Variants in RABGAP1 observed in about 807,000 individuals in gnomAD.
RABGAP1 encodes the protein RAB GTPase activating protein 1.
In RABGAP1, 23 loss-of-function variants were observed where a neutral mutation model predicts 137.6. The observed-to-expected ratio is 0.17, with a 90% CI of 0.12 to 0.24. RABGAP1 has a LOEUF of 0.24. Ranked by LOEUF, RABGAP1 falls within the 10% of genes least tolerant of loss-of-function variation. The pLI, the probability that RABGAP1 is intolerant of heterozygous loss-of-function variation, is 1.00. For missense variants in RABGAP1, 906 were observed against 1,275.8 expected, an observed-to-expected ratio of 0.71 and a Z score of 4.42; for synonymous variants, 451 against 450.7, an observed-to-expected ratio of 1.00 and a Z score of -0.01.
At chr9:122,949,514 C>A (rs1440928461) in intron 1 of RABGAP1, among the ~76,000 whole-genome samples, 1 of 151,362 alleles carries the variant, frequency 6.6e-6, no homozygotes, top group Non-Finnish European at 1.5e-5. Context: ...AACTCCATCT[C>A]AAAAACAACA....
At chr9:123,077,587 T>A (rs2034554627) in intron 19 of RABGAP1, among the ~76,000 whole-genome samples, 1 of 152,192 alleles carries the variant, frequency 6.6e-6, no homozygotes. Context: ...GTATAGGATC[T>A]TCTTGTGTTC....
intron 2 of RABGAP1, among the ~76,000 whole-genome samples, chr9:122,978,681 A>ATT (rs1835890897): frequency 6.6e-6 from 1 of 152,092 alleles, no homozygotes; most frequent in Admixed American, 6.5e-5. Context: ...ATATGTTTTT[A>ATT]TTTTTCTTGG....
At chr9:123,021,465 A>G (rs2031635248) in intron 13 of RABGAP1, among the ~76,000 whole-genome samples, 3 of 151,924 alleles carry the variant, frequency 2.0e-5, no homozygotes. Flanking sequence ...CTGGGATTAC[A>G]GGTGCGCACC....
At chr9:123,058,332 A>T (rs1176339724) in intron 13 of RABGAP1, among the ~76,000 whole-genome samples, 1 of 152,006 alleles carries the variant, frequency 6.6e-6, no homozygotes, top group Non-Finnish European at 1.5e-5. Flanking sequence ...TTAGCAAAAA[A>T]AAATTTTTCT....
chr9:123,005,415 A>G (rs1033669307), intron 10 of RABGAP1, among the ~76,000 whole-genome samples: 9 of 152,022 alleles, frequency 5.9e-5, no homozygotes, highest in Non-Finnish European at 1.3e-4. Context: ...GATAACAATT[A>G]TTATTGGTTT....
Position 123,101,648 on chromosome 9 carries a change from T to A in RABGAP1, c.2972T>A (p.Val991Asp). The A allele has an allele frequency of 6.2e-7, 1 of 1,612,650 alleles. No individual in the cohort carries two copies. The highest frequency in any genetic ancestry group is 1.3e-5 in the African/African-American group (1 of 74,542). ...RVKGISSTKE[V>D]LDEDTDEEKE... The stretch of plus-strand genomic sequence containing the variant: ...AAAGGCATAAGCTCAACCAAGGAGG[T>A]TTTAGATGAGGACACGGATGAAGAG... Residue 991 changes from valine to aspartate, a missense_variant, in exon 25 of 26, where the codon GTT becomes GAT. Coordinates refer to ENST00000373647, the MANE Select transcript of RABGAP1 (RefSeq NM_012197.4).
chr9:123,022,469 C>T lies in RABGAP1; in HGVS notation c.1794+2010C>T, dbSNP rs568888440. The stretch of plus-strand genomic sequence containing the variant: ...CTGGCTAGAGTGCAGTGCAGTGGTA[C>T]GATCTCGGCTCACTGCAACCTCTGC... On this transcript the variant is annotated intron_variant, in intron 13 of 25. Coordinates refer to ENST00000373647, the MANE Select transcript of RABGAP1 (RefSeq NM_012197.4). Among the ~76,000 whole-genome samples, 54 of 151,944 alleles carry T rather than the reference C, an allele frequency of 3.6e-4. 1 individual carries two copies. The highest frequency in any genetic ancestry group is 5.9e-4 in the Admixed American group (9 of 15,254).
At chr9:122,959,351 G>A (rs918973990) in intron 2 of RABGAP1, among the ~76,000 whole-genome samples, 1 of 112,896 alleles carries the variant, frequency 8.9e-6, no homozygotes, top group South Asian at 3.2e-4. Flanking sequence ...TTAATAGAAA[G>A]TGTGGGGCTT....
At chr9:122,996,737 A>G in intron 8 of RABGAP1, 132 bp downstream of exon 8, 2 of 757,224 alleles carry the variant, frequency 2.6e-6, no homozygotes, top group South Asian at 4.1e-5. Context: ...ACAACATGCA[A>G]AGGTAAGATA....
At chr9:123,011,019 T>C (rs1170201624) in intron 11 of RABGAP1, among the ~76,000 whole-genome samples, 2 of 151,850 alleles carry the variant, frequency 1.3e-5, no homozygotes, top group Admixed American at 6.6e-5. Context: ...TTTTTTTTTT[T>C]CTGGCTAAAT....
At chr9:122,941,268 G>A (rs535968182) in intron 1 of RABGAP1, among the ~76,000 whole-genome samples, 175 bp downstream of exon 1, 1 of 152,228 alleles carries the variant, frequency 6.6e-6, no homozygotes, top group Non-Finnish European at 1.5e-5. Context: ...CGTGATTGGG[G>A]GGAGGGGGAA....
At chr9:123,021,705 C>T (rs757553025) in intron 13 of RABGAP1, among the ~76,000 whole-genome samples, 1 of 152,172 alleles carries the variant, frequency 6.6e-6, no homozygotes, top group Non-Finnish European at 1.5e-5. Context: ...TCTTTCCCAT[C>T]ATCCTATATC....
At position 123,010,463 on chromosome 9, in the gene RABGAP1, G is replaced by T; in HGVS notation, c.1484G>T (p.Arg495Leu). Residue 495 changes from arginine (R) to leucine (L), a missense_variant, in exon 11 of 26, where the codon CGC (arginine) becomes CTC (leucine). By Grantham distance (102) the Arg-to-Leu change is moderately radical (BLOSUM62 -2). Around this residue, in one of 9 missense-constraint regions of RABGAP1, gnomAD observed 212 missense variants for 289.4 expected, o/e 0.73. Coordinates refer to ENST00000373647, the MANE Select transcript of RABGAP1 (RefSeq NM_012197.4). ...AAAACTACAGCCAGTCCTTCAGTTC[G>T]CCTGCCACAGTCTGGATCGCAAAGT... is the stretch of plus-strand genomic sequence containing the variant. The part of the protein sequence containing the change: ...RRKTTASPSV[R>L]LPQSGSQSSV... The T allele has an allele frequency of 6.6e-7, 1 of 1,523,042 alleles. No individual in the cohort carries two copies. The highest frequency in any genetic ancestry group is 2.4e-5 in the East Asian group (1 of 41,570). The allele number at this position is 1,523,042 out of a possible 1,614,324, so 94.3% of individuals were successfully genotyped here. A position where few individuals can be genotyped will look rare whatever the true frequency, so the allele number is the denominator to read the frequency against.
At chr9:122,985,336 C>T (rs191822445) in intron 3 of RABGAP1, among the ~76,000 whole-genome samples, 21 of 152,208 alleles carry the variant, frequency 1.4e-4, no homozygotes, top group Non-Finnish European at 2.4e-4. Context: ...ACAGTTAGGC[C>T]GGGCGCAGTG....
At chr9:122,957,714 T>A (rs1033126874) in intron 2 of RABGAP1, among the ~76,000 whole-genome samples, 6 of 152,282 alleles carry the variant, frequency 3.9e-5, no homozygotes, top group African/African-American at 1.4e-4. Context: ...TCTGTTAAAG[T>A]TGTCATTTAA....
intron 10 of RABGAP1, among the ~76,000 whole-genome samples, chr9:122,999,767 CT>C (rs1457991996): frequency 3.6e-4 from 54 of 150,790 alleles, no homozygotes; most frequent in Admixed American, 1.8e-3. Context: ...ATTTCTTAAA[CT>C]TTTTTTCCTG....
chr9:123,037,198 T>C (rs1028628226), intron 13 of RABGAP1, among the ~76,000 whole-genome samples: 1 of 152,234 alleles, frequency 6.6e-6, no homozygotes, highest in Non-Finnish European at 1.5e-5. Flanking sequence ...TGGATATTTA[T>C]AAAGCAGGCA....
chr9:122,940,765 T>G (rs974577860), upstream of RABGAP1: 3 of 152,970 alleles, frequency 2.0e-5, no homozygotes, highest in African/African-American at 7.2e-5. Context: ...CGTAGTTGGC[T>G]GTCCAACTCC....
intron 14 of RABGAP1, among the ~76,000 whole-genome samples, chr9:123,068,311 C>T (rs1175087565): frequency 2.7e-5 from 4 of 147,044 alleles, no homozygotes; most frequent in Non-Finnish European, 5.9e-5. Flanking sequence ...GATTGTGCCA[C>T]TGCATTCCAC....
Sources: gnomAD v4.1 joint callset for allele counts (sites outside exome capture counted in the v4.1 genomes callset) on GRCh38, gnomAD v4.1.1 for gene constraint, gnomAD v4.1.1 regional missense constraint, MANE v1.5 for transcripts, NCBI Gene and HGNC (gene_info 2026-07-23, HGNC 2026-07-21) for gene names.